The following PTER variants were observed in gnomAD, a reference collection of about 807,000 sequenced individuals.
PTER encodes N-acetyltaurine hydrolase.
PTER carries 38 observed loss-of-function variants against 29.6 expected under a neutral mutation model. The ratio of observed to expected loss-of-function variants is 1.28; its 90% confidence interval spans 0.99 to 1.68. The LOEUF (loss-of-function observed/expected upper bound fraction) is 1.68, where lower values mean the gene tolerates loss of function less well. PTER is among the 40% of genes most tolerant of loss of function. PTER has a pLI of 0.00. For missense variants in PTER, 482 were observed against 427.8 expected, an observed-to-expected ratio of 1.13 and a Z score of -1.12; for synonymous variants, 172 against 154.5, an observed-to-expected ratio of 1.11 and a Z score of -0.84.
At chr10:16,453,249 A>T (rs1042137549) in intron 1 of PTER, among the ~76,000 whole-genome samples, 1 of 152,096 alleles carries the variant, frequency 6.6e-6, no homozygotes, top group Non-Finnish European at 1.5e-5. Flanking sequence ...TTATTTCACC[A>T]TCTACTAAAG....
intron 1 of PTER, among the ~76,000 whole-genome samples, chr10:16,453,061 T>C: frequency 6.6e-6 from 1 of 152,268 alleles, no homozygotes; most frequent in East Asian, 1.9e-4. Context: ...TTTCTTCTTA[T>C]TTTTTAATAT....
intron 1 of PTER, among the ~76,000 whole-genome samples, chr10:16,463,163 A>G (rs1454457574): frequency 6.8e-6 from 1 of 147,978 alleles, no homozygotes; most frequent in African/African-American, 2.5e-5. Context: ...ACTGCACTCC[A>G]TACTCCAGCC....
chr10:16,442,498 C>T (rs77283938), intron 1 of PTER, among the ~76,000 whole-genome samples: 7,131 of 152,262 alleles, frequency 0.047, 268 homozygotes, highest in East Asian at 0.18. Flanking sequence ...TGGCCATGCA[C>T]GGTGGCTCAT....
intron 3 of PTER, among the ~76,000 whole-genome samples, chr10:16,491,331 A>T (rs752300471): frequency 4.6e-5 from 7 of 152,224 alleles, no homozygotes; most frequent in Non-Finnish European, 7.3e-5. Flanking sequence ...ACAGAAAAAA[A>T]TAATCAGGGA....
chr10:16,504,777 T>G (rs1260083189), intron 3 of PTER, among the ~76,000 whole-genome samples: 1 of 152,192 alleles, frequency 6.6e-6, no homozygotes, highest in Non-Finnish European at 1.5e-5. Flanking sequence ...TTAAACTAAG[T>G]CTGTAGTACC....
downstream of PTER, among the ~76,000 whole-genome samples, chr10:16,517,864 T>A (rs992466165): frequency 6.6e-6 from 1 of 152,210 alleles, no homozygotes; most frequent in East Asian, 1.9e-4. Context: ...AACAAAAGGT[T>A]AAGTGGCACA....
At chr10:16,466,996 T>C (rs1317629243) in intron 1 of PTER, among the ~76,000 whole-genome samples, 1 of 152,246 alleles carries the variant, frequency 6.6e-6, no homozygotes, top group Non-Finnish European at 1.5e-5. Context: ...TTTCTGATTT[T>C]CAGTTGACTT....
rs566291044 is a variant in PTER at position 16,453,588 on chromosome 10, ATTT to A, written c.-49+16544_-49+16546del. 1.6e-3 allele frequency among the ~76,000 whole-genome samples: 247 copies of A among 152,306 alleles called. 4 individuals are homozygous for A. Among genetic ancestry groups the A allele is most frequent in the Non-Finnish European group, 2.4e-4 (16 of 68,030 alleles). On this transcript the variant is annotated intron_variant, in intron 1 of 4. Coordinates refer to ENST00000535784, the MANE Select transcript of PTER (RefSeq NM_001261836.2). Reference sequence around the variant, plus strand: ...ATCTGGAACTTCTGGGTTGTGAAGTATTTTTATTTCATGCATCTGTTAGTAATA... The same window carrying A: ...ATCTGGAACTTCTGGGTTGTGAAGTATTATTTCATGCATCTGTTAGTAATA...
At chr10:16,505,230 T>C in intron 4 of PTER, 70 bp downstream of exon 4, 1 of 1,549,176 alleles carries the variant, frequency 6.5e-7, no homozygotes, top group Non-Finnish European at 8.8e-7. Context: ...TCTAGGGAAG[T>C]ATTAGCAAAG....
chr10:16,445,838 T>G (rs1158869637), intron 1 of PTER, among the ~76,000 whole-genome samples: 6 of 151,972 alleles, frequency 3.9e-5, no homozygotes, highest in African/African-American at 1.5e-4. Flanking sequence ...GGACACTGCC[T>G]CCTGAGGGGC....
At chr10:16,491,906 C>T (rs1289777642) in intron 3 of PTER, among the ~76,000 whole-genome samples, 1 of 152,078 alleles carries the variant, frequency 6.6e-6, no homozygotes, top group African/African-American at 2.4e-5. Context: ...TGAAGATATA[C>T]AATCTTCATT....
At chr10:16,510,949 C>A (rs527901904) in intron 4 of PTER, 97 bp from the exon 5 acceptor site, 2 of 1,002,816 alleles carry the variant, frequency 2.0e-6, no homozygotes, top group South Asian at 1.4e-5. Flanking sequence ...AGTATCTTTA[C>A]GACAAGCACA....
At chr10:16,492,460 G>T (rs1344618848) in intron 3 of PTER, among the ~76,000 whole-genome samples, 1 of 151,952 alleles carries the variant, frequency 6.6e-6, no homozygotes, top group South Asian at 2.1e-4. Context: ...GGCTAGATGC[G>T]ATTAAAAAAA....
At chr10:16,474,570 T>C (rs10752055) in intron 1 of PTER, among the ~76,000 whole-genome samples, 150,360 of 152,212 alleles carry the variant, frequency 0.99, 74,272 homozygotes, top group Middle Eastern at 1. Flanking sequence ...AACAGAATAA[T>C]ATAGCCTGGG....
chr10:16,484,582 C>G lies in PTER; in HGVS notation c.198C>G (p.Ser66=). ...ATTGGATTCAGAAAAACGCCTATTC[C>G]CATAAAGAAAACCTTCAATTAAATC... ...NLYWIQKNAY[S]HKENLQLNQE... Residue 66 remains serine, a synonymous_variant, in exon 2 of 5, where the codon TCC becomes TCG. Transcript: ENST00000535784. 1 of 1,613,910 alleles carries G rather than the reference C, an allele frequency of 6.2e-7. No homozygotes were observed. The highest frequency in any genetic ancestry group is 1.1e-5 in the South Asian group (1 of 91,044).
In PTER at chr10:16,513,590, T is replaced by C. The variant is rs1012727376; in HGVS notation, c.*2334T>C. 1 of 152,540 alleles carries C rather than the reference T, an allele frequency of 6.6e-6. No individual in the cohort carries two copies. The highest frequency in any genetic ancestry group is 1.9e-4 in the East Asian group (1 of 5,194). 9.4% of individuals were successfully genotyped at this position (152,540 alleles called of 1,614,324 possible). ...CAGGCCACAGACTTGTAGTAATCAT[T>C]TGAAGGCCTCACCTAGTGTCCCCTT... On this transcript the variant is annotated 3_prime_UTR_variant, in exon 5 of 5. Coordinates refer to ENST00000535784, the MANE Select transcript of PTER (RefSeq NM_001261836.2).
chr10:16,451,211 T>TG (rs35467653), intron 1 of PTER, among the ~76,000 whole-genome samples: 87,423 of 151,804 alleles, frequency 0.58, 26,453 homozygotes, highest in African/African-American at 0.77. Flanking sequence ...TGTCATCTTC[T>TG]CCTGCCTGCT....
intron 2 of PTER, among the ~76,000 whole-genome samples, chr10:16,485,749 A>G (rs1299038401): frequency 2.6e-5 from 4 of 152,136 alleles, no homozygotes; most frequent in Non-Finnish European, 5.9e-5. Context: ...TGTGCTGTGA[A>G]TTTTCTATGC....
chr10:16,483,198 A>G (rs973166281), intron 1 of PTER, among the ~76,000 whole-genome samples: 4 of 152,222 alleles, frequency 2.6e-5, no homozygotes, highest in African/African-American at 9.6e-5. Flanking sequence ...AATTTGTGCT[A>G]CAAATGAAAG....
Sources: allele counts gnomAD v4.1 joint callset (sites outside exome capture counted in the v4.1 genomes callset), GRCh38; gene constraint gnomAD v4.1.1; transcripts MANE v1.5; gene names NCBI Gene and HGNC (gene_info 2026-07-23, HGNC 2026-07-21).